The following TBC1D22A variants were observed in gnomAD, a reference collection of about 807,000 sequenced individuals.
TBC1D22A encodes TBC1 domain family member 22A, also known as putative GTPase activator.
In TBC1D22A, 38 loss-of-function variants were observed where a neutral mutation model predicts 60.2. The ratio of observed to expected loss-of-function variants is 0.63; its 90% CI spans 0.49 to 0.83. TBC1D22A has a LOEUF of 0.83. TBC1D22A is among the 40% of genes least tolerant of loss of function. TBC1D22A has a pLI of 0.00. For synonymous variants in TBC1D22A, 302 were observed against 281.7 expected, an observed-to-expected ratio of 1.07 and a Z score of -0.72; for missense variants, 628 against 701.0, an observed-to-expected ratio of 0.90 and a Z score of 1.18.
intron 7 of TBC1D22A, among the ~76,000 whole-genome samples, chr22:46,904,163 C>A (rs2069268555): frequency 6.6e-6 from 1 of 151,424 alleles, no homozygotes; most frequent in East Asian, 1.9e-4. Flanking sequence ...ACCTACCTAC[C>A]TACCTACCTA....
intron 11 of TBC1D22A, among the ~76,000 whole-genome samples, chr22:47,065,626 A>T (rs2063731313): frequency 1.3e-5 from 2 of 152,286 alleles, no homozygotes; most frequent in Admixed American, 6.5e-5. Flanking sequence ...AGGACTTAGC[A>T]GGCCTCGGAG....
intron 7 of TBC1D22A, among the ~76,000 whole-genome samples, chr22:46,904,136 T>TGC (rs2069240020): frequency 1.7e-5 from 2 of 120,210 alleles, no homozygotes; most frequent in Non-Finnish European, 3.4e-5. Context: ...TCTATCTATC[T>TGC]ATCTATCTAC....
At chr22:47,100,202 T>A (rs962553020) in intron 11 of TBC1D22A, among the ~76,000 whole-genome samples, 1 of 151,928 alleles carries the variant, frequency 6.6e-6, no homozygotes, top group Admixed American at 6.5e-5. Flanking sequence ...GGGTGAGGCG[T>A]CAGGGCACAG....
Position 47,130,311 on chromosome 22 carries a change from C to T in TBC1D22A, c.1425+18708C>T, listed in dbSNP as rs114729101. The stretch of plus-strand genomic sequence containing the variant: ...CCCTTCTAGGCCCCTCCTCAGGACA[C>T]CCCCTCCTGCCGGGCTCCCCCCAAG... On this transcript the variant is annotated intron_variant, in intron 12 of 12. Transcript: ENST00000337137. 2.4e-3 allele frequency among the ~76,000 whole-genome samples: 361 copies of T among 152,312 alleles called. 1 individual carries two copies. The highest frequency in any genetic ancestry group is 8.3e-3 in the African/African-American group (347 of 41,570).
At chr22:46,923,925 T>G (rs1163324113) in intron 8 of TBC1D22A, among the ~76,000 whole-genome samples, 3 of 152,232 alleles carry the variant, frequency 2.0e-5, no homozygotes, top group Non-Finnish European at 2.9e-5. Context: ...ATCTTTTCTT[T>G]TAGTTTTTCT....
chr22:46,823,616 G>A (rs1192973874), intron 4 of TBC1D22A, among the ~76,000 whole-genome samples: 1 of 152,230 alleles, frequency 6.6e-6, no homozygotes, highest in African/African-American at 2.4e-5. Flanking sequence ...TTACGGGGAG[G>A]ATTCAATGAA....
chr22:46,944,761 G>C (rs2072424611), intron 8 of TBC1D22A, among the ~76,000 whole-genome samples: 1 of 152,152 alleles, frequency 6.6e-6, no homozygotes, highest in Admixed American at 6.5e-5. Flanking sequence ...TATAACTTGA[G>C]TGGAATTGGT....
chr22:47,105,296 C>T (rs1396055247), intron 11 of TBC1D22A, among the ~76,000 whole-genome samples: 3 of 151,892 alleles, frequency 2.0e-5, no homozygotes, highest in East Asian at 3.9e-4. Flanking sequence ...ATGTGGTGTC[C>T]GAAAGACCCT....
intron 4 of TBC1D22A, among the ~76,000 whole-genome samples, chr22:46,831,429 C>T (rs1300063323): frequency 2.0e-5 from 3 of 152,146 alleles, no homozygotes; most frequent in Non-Finnish European, 2.9e-5. Context: ...CTCCCGGACT[C>T]GGAGCACAAG....
chr22:46,834,558 C>T (rs774543627), intron 4 of TBC1D22A, among the ~76,000 whole-genome samples: 2 of 152,178 alleles, frequency 1.3e-5, no homozygotes, highest in Non-Finnish European at 2.9e-5. Flanking sequence ...GGGATGCTCT[C>T]CAGCAGGCCC....
At chr22:47,043,820 A>G (rs1434639573) in intron 11 of TBC1D22A, among the ~76,000 whole-genome samples, 4 of 152,050 alleles carry the variant, frequency 2.6e-5, no homozygotes, top group Non-Finnish European at 5.9e-5. Flanking sequence ...TGTGAGGTGC[A>G]GTTGAGTGTG....
chr22:47,012,532 TG>T (rs1450147022), intron 10 of TBC1D22A, among the ~76,000 whole-genome samples: 2 of 152,190 alleles, frequency 1.3e-5, no homozygotes, highest in Non-Finnish European at 2.9e-5. Flanking sequence ...GCCTTGTCAC[TG>T]GGGTCCTTCA....
intron 4 of TBC1D22A, among the ~76,000 whole-genome samples, chr22:46,863,656 T>G (rs2066915691): frequency 6.6e-6 from 1 of 152,152 alleles, no homozygotes; most frequent in Non-Finnish European, 1.5e-5. Flanking sequence ...GTTTTAAAAG[T>G]GTATTGGAAA....
chr22:46,951,577 C>T (rs141962961), intron 8 of TBC1D22A, among the ~76,000 whole-genome samples: 20 of 152,294 alleles, frequency 1.3e-4, no homozygotes, highest in East Asian at 3.9e-4. Flanking sequence ...CTGCAGCCGG[C>T]GCCATCTTGG....
chr22:47,060,467 G>A (rs1273902653), intron 11 of TBC1D22A, among the ~76,000 whole-genome samples: 1 of 152,060 alleles, frequency 6.6e-6, no homozygotes, highest in Admixed American at 6.6e-5. Context: ...GTCTCGCTCT[G>A]TAGCCCAGGC....
chr22:47,120,493 C>T (rs2066232690), intron 12 of TBC1D22A, among the ~76,000 whole-genome samples: 1 of 152,218 alleles, frequency 6.6e-6, no homozygotes, highest in Admixed American at 6.5e-5. Context: ...GAAGAGTAAG[C>T]CAGCCCTAGA....
At chr22:46,961,873 A>C (rs1482945859) in intron 8 of TBC1D22A, among the ~76,000 whole-genome samples, 2 of 152,114 alleles carry the variant, frequency 1.3e-5, no homozygotes, top group African/African-American at 4.8e-5. Flanking sequence ...GCTAGCAGAG[A>C]GTATTGTGTG....
chr22:46,891,473 A>G (rs79173093), intron 6 of TBC1D22A, 79 bp downstream of exon 6: 39,415 of 1,469,420 alleles, frequency 0.027, 668 homozygotes, highest in Non-Finnish European at 0.029. Flanking sequence ...ATGTTTTATC[A>G]AAACCATGTG....
chr22:47,089,090 C>T (rs766950959), intron 11 of TBC1D22A, among the ~76,000 whole-genome samples: 51 of 152,068 alleles, frequency 3.4e-4, no homozygotes, highest in South Asian at 6.2e-4. Flanking sequence ...GGAGGGAATT[C>T]GAGATTTTAA....
Sources: gnomAD v4.1 joint callset for allele counts (sites outside exome capture counted in the v4.1 genomes callset) on GRCh38, gnomAD v4.1.1 for gene constraint, MANE v1.5 for transcripts, NCBI Gene and HGNC (gene_info 2026-07-23, HGNC 2026-07-21) for gene names.